The following PCGF5 variants were observed in gnomAD, a reference collection of about 807,000 sequenced individuals.
The protein encoded by PCGF5 is polycomb group RING finger protein 5.
PCGF5 carries 9 observed loss-of-function variants against 44.3 expected under a neutral mutation model. The ratio of observed to expected loss-of-function variants is 0.20; its 90% CI spans 0.12 to 0.35. The LOEUF is 0.35. Ranked by LOEUF, PCGF5 falls within the 10% of genes least tolerant of loss-of-function variation. The probability of loss-of-function intolerance (pLI) is 1.00; values close to 1 mark genes in which losing one functional copy is unlikely to be tolerated. For synonymous variants in PCGF5, 95 were observed against 102.5 expected (o/e 0.93, Z 0.44); for missense variants, 146 against 305.3 (o/e 0.48, Z 3.89).
upstream of PCGF5, among the ~76,000 whole-genome samples, chr10:91,218,359 G>A (rs764516881): frequency 2.0e-5 from 3 of 151,794 alleles, no homozygotes; most frequent in Non-Finnish European, 4.4e-5. Flanking sequence ...TTGCTTCCAG[G>A]CCTTTGTTTA....
chr10:91,203,106 CAAACCCCTTGGTA>C (rs1844282862), intron 1 of PCGF5, among the ~76,000 whole-genome samples: 1 of 152,166 alleles, frequency 6.6e-6, no homozygotes, highest in South Asian at 2.1e-4. Context: ...AATCTACCAG[CAAACCCCTTGGTA>C]CTAAGCATTT....
rs192381040 is a variant in PCGF5 at position 91,228,871 on chromosome 10, A to C, written c.112+5888A>C. ...TTGGGGCTTCACTGTAGACTTACTG[A>C]ATCAGAATCTCTGGAGAGAAGGCCA... On this transcript the variant is annotated intron_variant, in intron 2 of 9. Transcript: ENST00000336126. Among the ~76,000 whole-genome samples the C allele has an allele frequency of 2.0e-4, 30 of 152,334 alleles. 2 individuals are homozygous for C. The highest frequency in any genetic ancestry group is 6.7e-4 in the African/African-American group (28 of 41,570).
At chr10:91,224,453 A>AG (rs1844762880) in intron 2 of PCGF5, among the ~76,000 whole-genome samples, 1 of 152,216 alleles carries the variant, frequency 6.6e-6, no homozygotes, top group African/African-American at 2.4e-5. Context: ...AAGATAATAA[A>AG]GAAGTCTCTG....
intron 7 of PCGF5, among the ~76,000 whole-genome samples, chr10:91,264,047 G>A (rs1055456307): frequency 6.6e-6 from 1 of 152,146 alleles, no homozygotes; most frequent in African/African-American, 2.4e-5. Flanking sequence ...GAAGCCAAAG[G>A]AGCTGAGAGG....
chr10:91,276,257 A>G (rs1353142801), intron 9 of PCGF5, among the ~76,000 whole-genome samples: 2 of 152,228 alleles, frequency 1.3e-5, no homozygotes, highest in African/African-American at 4.8e-5. Flanking sequence ...ACAAGTTTTG[A>G]CAAAAATAAT....
At chr10:91,160,215 C>T (rs1843360873), upstream of PCGF5, among the ~76,000 whole-genome samples, 1 of 152,096 alleles carries the variant, frequency 6.6e-6, no homozygotes, top group Admixed American at 6.5e-5. Flanking sequence ...CTCTAAATAG[C>T]CATTCTCAGT....
intron 1 of PCGF5, among the ~76,000 whole-genome samples, chr10:91,207,158 A>G (rs1425679342): frequency 2.0e-5 from 3 of 152,186 alleles, no homozygotes; most frequent in Non-Finnish European, 4.4e-5. Flanking sequence ...AACCTTTTAA[A>G]GAGGAATTTT....
intron 9 of PCGF5, among the ~76,000 whole-genome samples, chr10:91,277,797 C>T (rs1198245110): frequency 1.3e-5 from 2 of 151,794 alleles, no homozygotes; most frequent in African/African-American, 4.8e-5. Context: ...TTTGTGAACA[C>T]TACTCCAGTT....
chr10:91,157,702 G>A, the PCGF5 span, among the ~76,000 whole-genome samples: 3 of 152,218 alleles, frequency 2.0e-5, no homozygotes, highest in Non-Finnish European at 2.9e-5. Flanking sequence ...CATAAACAGG[G>A]AAGCCAGGAG....
chr10:91,251,405 C>T lies in PCGF5; in HGVS notation c.439C>T (p.Arg147Ter). The T allele has an allele frequency of 6.2e-7, 1 of 1,611,062 alleles. No homozygotes were observed. The highest frequency in any genetic ancestry group is 8.5e-7 in the Non-Finnish European group (1 of 1,178,072). The part of the protein sequence containing the change: ...PQIAICLDCL[R>*]NNGQSGDNVV... The stretch of plus-strand genomic sequence containing the variant: ...AATTGCTATCTGTCTAGATTGTTTA[C>T]GAAATAATGGGCAATCAGGGGACAA... The change falls in exon 6 of 10, where the codon CGA becomes TGA. Residue 147 changes from arginine (R) to a stop codon, truncating the protein, a stop_gained. Transcript: ENST00000336126. LOFTEE classifies it high-confidence loss of function.
intron 1 of PCGF5, among the ~76,000 whole-genome samples, chr10:91,200,369 T>C (rs1844227912): frequency 6.9e-6 from 1 of 144,596 alleles, no homozygotes; most frequent in Admixed American, 7.1e-5. Context: ...GTGCCCAAAA[T>C]TGTTCAACTA....
intron 1 of PCGF5, among the ~76,000 whole-genome samples, chr10:91,169,667 A>T (rs182706305): frequency 2.7e-4 from 41 of 152,366 alleles, no homozygotes; most frequent in Admixed American, 2.4e-3. Context: ...GTCCATCTTC[A>T]TAGGTAGGAA....
intron 1 of PCGF5, among the ~76,000 whole-genome samples, chr10:91,181,307 A>T (rs1332558447): frequency 6.6e-6 from 1 of 152,178 alleles, no homozygotes; most frequent in Non-Finnish European, 1.5e-5. Flanking sequence ...AAAAACAGGG[A>T]TAGTTTGACT....
intron 2 of PCGF5, among the ~76,000 whole-genome samples, chr10:91,230,848 C>T (rs1844982989): frequency 6.6e-6 from 1 of 152,102 alleles, no homozygotes; most frequent in South Asian, 2.1e-4. Flanking sequence ...GTCTTGAACT[C>T]CTGGGCTCAA....
chr10:91,161,453 G>A (rs1843380886), upstream of PCGF5, among the ~76,000 whole-genome samples: 6 of 151,974 alleles, frequency 3.9e-5, no homozygotes, highest in Admixed American at 3.3e-4. Flanking sequence ...ATCAGACAGC[G>A]ACAAACCCAC....
At chr10:91,177,590 C>G (rs1283213690) in intron 1 of PCGF5, among the ~76,000 whole-genome samples, 2 of 152,222 alleles carry the variant, frequency 1.3e-5, no homozygotes, top group African/African-American at 4.8e-5. Context: ...TTTACCTACT[C>G]AAGCCTCAGC....
intron 1 of PCGF5, among the ~76,000 whole-genome samples, chr10:91,214,175 A>G (rs1245353347): frequency 2.0e-5 from 3 of 152,030 alleles, no homozygotes; most frequent in Non-Finnish European, 2.9e-5. Context: ...GGTGGTATGT[A>G]CCCATGGTCC....
intron 1 of PCGF5, among the ~76,000 whole-genome samples, chr10:91,180,149 T>C (rs539668147): frequency 6.6e-6 from 1 of 152,366 alleles, no homozygotes; most frequent in East Asian, 1.9e-4. Context: ...ATGTCTTCTT[T>C]TGAAATTTGT....
At chr10:91,214,682 G>A (rs543783454) in intron 1 of PCGF5, among the ~76,000 whole-genome samples, 1 of 152,300 alleles carries the variant, frequency 6.6e-6, no homozygotes, top group East Asian at 1.9e-4. Flanking sequence ...AGAGGAGCAC[G>A]ACAAACAGAT....
Sources: allele counts gnomAD v4.1 joint callset (sites outside exome capture counted in the v4.1 genomes callset), GRCh38; gene constraint gnomAD v4.1.1; transcripts MANE v1.5; gene names NCBI Gene and HGNC (gene_info 2026-07-23, HGNC 2026-07-21).